Variants in BANK1 observed in about 807,000 individuals in gnomAD.
BANK1 encodes the protein B cell scaffold protein with ankyrin repeats 1.
BANK1 carries 95 observed loss-of-function variants against 94.5 expected under a neutral mutation model. That is an observed-to-expected ratio of 1.00 (90% CI 0.85 to 1.19). BANK1 has a LOEUF of 1.19. BANK1 is among the 50% of genes most tolerant of loss of function. BANK1 has a pLI of 0.00. For missense variants in BANK1, 987 were observed against 932.2 expected (o/e 1.06, Z -0.77); for synonymous variants, 334 against 308.4 (o/e 1.08, Z -0.87).
At chr4:101,961,717 G>T (rs1338649702) in intron 7 of BANK1, among the ~76,000 whole-genome samples, 1 of 152,122 alleles carries the variant, frequency 6.6e-6, no homozygotes, top group South Asian at 2.1e-4. Context: ...TTAGAGAAAT[G>T]TATCTCATAT....
chr4:101,867,333 A>G (rs905902536), intron 4 of BANK1, among the ~76,000 whole-genome samples: 6 of 152,058 alleles, frequency 3.9e-5, no homozygotes, highest in African/African-American at 1.4e-4. Flanking sequence ...TATAGAATGA[A>G]GTAGAAATAA....
chr4:101,884,577 T>C lies in BANK1; in HGVS notation c.904-10728T>C, dbSNP rs1208259038. 2.0e-5 allele frequency among the ~76,000 whole-genome samples: 3 copies of C among 152,170 alleles called. No individual in the cohort carries two copies. The South Asian group carries it at 6.2e-4, about 32-fold the overall frequency. ...TTCTTAAGATATATTTCAAATGTGG[T>C]TTCCCTTTAAACCCCATTTTTTCAG... On this transcript the variant is annotated intron_variant, in intron 5 of 16. Transcript: ENST00000322953.
At chr4:102,042,181 G>A (rs1727724646) in intron 10 of BANK1, among the ~76,000 whole-genome samples, 1 of 151,846 alleles carries the variant, frequency 6.6e-6, no homozygotes, top group Admixed American at 6.6e-5. Context: ...GCATTTTAAA[G>A]ACTTTTAAAA....
intron 11 of BANK1, among the ~76,000 whole-genome samples, chr4:102,044,522 T>G (rs1727813512): frequency 7.0e-6 from 1 of 142,120 alleles, no homozygotes; most frequent in South Asian, 2.4e-4. Flanking sequence ...AGCAGCATGA[T>G]TTATAGTCCT....
chr4:101,890,570 A>T (rs1237485712), intron 5 of BANK1, among the ~76,000 whole-genome samples: 1 of 148,676 alleles, frequency 6.7e-6, no homozygotes, highest in Non-Finnish European at 1.5e-5. Flanking sequence ...TTATTAAAGT[A>T]TAATTTTATT....
At chr4:101,879,006 G>T (rs1309332319) in intron 5 of BANK1, among the ~76,000 whole-genome samples, 1 of 150,222 alleles carries the variant, frequency 6.7e-6, no homozygotes. Context: ...AAAAAGAAAA[G>T]AAAAATGTTA....
chr4:101,827,352 ATTAT>A (rs1422564369), intron 1 of BANK1, among the ~76,000 whole-genome samples: 5 of 151,874 alleles, frequency 3.3e-5, no homozygotes, highest in Admixed American at 6.6e-5. Context: ...TACTTTTTAG[ATTAT>A]TTATTATTGT....
At chr4:102,063,478 T>C (rs1728491593) in intron 13 of BANK1, among the ~76,000 whole-genome samples, 1 of 151,994 alleles carries the variant, frequency 6.6e-6, no homozygotes, top group Non-Finnish European at 1.5e-5. Context: ...TTTTGATGTC[T>C]ATGTAAGTTG....
At chr4:102,027,012 T>A (rs897906928) in intron 9 of BANK1, among the ~76,000 whole-genome samples, 1 of 152,082 alleles carries the variant, frequency 6.6e-6, no homozygotes, top group African/African-American at 2.4e-5. Flanking sequence ...CAGATATTTA[T>A]TACCTACTAT....
At chr4:101,985,458 T>G (rs1326338638) in intron 7 of BANK1, among the ~76,000 whole-genome samples, 1 of 151,966 alleles carries the variant, frequency 6.6e-6, no homozygotes, top group Admixed American at 6.6e-5. Context: ...CTAAATCTGG[T>G]TTTTTTTAAT....
rs138302576 is a variant in BANK1 at position 101,853,041 on chromosome 4, A to G, written c.470-1994A>G. On this transcript the variant is annotated intron_variant, in intron 2 of 16. Transcript: ENST00000322953. ...TCACTGTTTTGATTTGTGTATGTCT[A>G]TGTGTGTGTGTATAAGCCAGGAGGA... Among the ~76,000 whole-genome samples, 237 of 152,150 alleles carry G rather than the reference A, an allele frequency of 1.6e-3. 4 individuals carry two copies. The East Asian group carries it at 0.041, about 26-fold the overall frequency.
chr4:101,836,207 G>A (rs184656457), intron 2 of BANK1, among the ~76,000 whole-genome samples: 91 of 151,952 alleles, frequency 6.0e-4, no homozygotes, highest in Admixed American at 5.9e-3. Context: ...TATGCCTGGC[G>A]CGGTGGCTCA....
At chr4:101,959,012 T>G (rs1724471466) in intron 7 of BANK1, among the ~76,000 whole-genome samples, 1 of 152,212 alleles carries the variant, frequency 6.6e-6, no homozygotes, top group Non-Finnish European at 1.5e-5. Context: ...CCATATGGAT[T>G]CATGATTATA....
intron 3 of BANK1, among the ~76,000 whole-genome samples, chr4:101,856,855 A>G (rs1727698479): frequency 1.3e-5 from 2 of 152,180 alleles, no homozygotes; most frequent in African/African-American, 4.8e-5. Flanking sequence ...CTAAACATTT[A>G]AAAGGTTATA....
At chr4:101,981,960 T>G (rs964532916) in intron 7 of BANK1, 4 of 152,168 alleles carry the variant, frequency 2.6e-5, no homozygotes, top group African/African-American at 9.7e-5. Context: ...TGGTAGGGTG[T>G]GTGTGGGTAG....
At chr4:101,800,171 A>G (rs1463368431) in intron 1 of BANK1, among the ~76,000 whole-genome samples, 1 of 151,106 alleles carries the variant, frequency 6.6e-6, no homozygotes, top group Non-Finnish European at 1.5e-5. Context: ...TAGGAGATAT[A>G]TCTAATGTAA....
At chr4:101,853,835 T>C (rs1727584976) in intron 2 of BANK1, among the ~76,000 whole-genome samples, 1 of 151,732 alleles carries the variant, frequency 6.6e-6, no homozygotes. Flanking sequence ...GCAGGAGAAA[T>C]GAGATGAGGC....
At chr4:102,016,697 A>G (rs1394455852) in intron 7 of BANK1, among the ~76,000 whole-genome samples, 1 of 152,068 alleles carries the variant, frequency 6.6e-6, no homozygotes, top group East Asian at 1.9e-4. Context: ...AACATTTGTG[A>G]TTTACTTAAA....
chr4:102,012,757 T>TTTTG (rs1214441852), intron 7 of BANK1, among the ~76,000 whole-genome samples: 5 of 152,098 alleles, frequency 3.3e-5, no homozygotes, highest in Non-Finnish European at 5.9e-5. Flanking sequence ...CTCAGCTTGT[T>TTTTG]TTTGTTTGTT....
Sources: allele counts gnomAD v4.1 joint callset (sites outside exome capture counted in the v4.1 genomes callset), GRCh38; gene constraint gnomAD v4.1.1; transcripts MANE v1.5; gene names NCBI Gene and HGNC (gene_info 2026-07-23, HGNC 2026-07-21).